The following KCNQ1 variants were observed in gnomAD, a reference collection of about 807,000 sequenced individuals.
The protein encoded by KCNQ1 is potassium voltage-gated channel subfamily Q member 1.
KCNQ1 carries 49 observed loss-of-function variants against 72.4 expected under a neutral mutation model. That is an observed-to-expected ratio of 0.68 (90% CI 0.54 to 0.86). The LOEUF is 0.86. KCNQ1 is among the 40% of genes least tolerant of loss of function. KCNQ1 has a pLI of 0.00. For missense variants in KCNQ1, 790 were observed against 945.1 expected, an observed-to-expected ratio of 0.84 and a Z score of 2.15; for synonymous variants, 450 against 412.6, an observed-to-expected ratio of 1.09 and a Z score of -1.10.
At chr11:2,717,771 G>A (rs1851118220) in intron 11 of KCNQ1, among the ~76,000 whole-genome samples, 1 of 152,216 alleles carries the variant, frequency 6.6e-6, no homozygotes, top group African/African-American at 2.4e-5. Flanking sequence ...ATAGAGAGCG[G>A]GTAGACAGGA....
intron 2 of KCNQ1, among the ~76,000 whole-genome samples, chr11:2,532,730 C>G (rs1381557452): frequency 6.6e-6 from 1 of 152,140 alleles, no homozygotes; most frequent in Non-Finnish European, 1.5e-5. Context: ...TTCCAGCGGA[C>G]AGCAGGCACA....
intron 10 of KCNQ1, chr11:2,641,571 T>C (rs1374432430): frequency 2.5e-6 from 1 of 398,542 alleles, no homozygotes; most frequent in East Asian, 3.6e-5. Context: ...AAATATTTTC[T>C]CCCATTCAAC....
intron 1 of KCNQ1, among the ~76,000 whole-genome samples, chr11:2,514,750 C>T (rs1361930579): frequency 2.0e-5 from 3 of 152,156 alleles, no homozygotes; most frequent in Non-Finnish European, 2.9e-5. Context: ...GGCATGAACC[C>T]GGGAGGCAGA....
chr11:2,632,946 G>T (rs1849385989), intron 10 of KCNQ1: 3 of 398,438 alleles, frequency 7.5e-6, no homozygotes, highest in Admixed American at 8.8e-5. Context: ...GTAGTGGATT[G>T]TCAAACTGTA....
rs1849224319 is a variant in KCNQ1 at position 2,624,166 on chromosome 11, CGTA to C, written c.1393+35313_1393+35315del. 2 of 398,450 alleles carry C rather than the reference CGTA, an allele frequency of 5.0e-6. No homozygotes were observed. The highest frequency in any genetic ancestry group is 8.8e-6 in the Non-Finnish European group (2 of 226,054). 24.7% of individuals were successfully genotyped at this position (398,450 alleles called of 1,614,324 possible). ...GTTTTAATTTCCATTTCCCTAATGA[CGTA>C]AGATGTGGGGCATCTTTTCATATAC... On this transcript the variant is annotated intron_variant, in intron 10 of 15. Transcript: ENST00000155840. The surrounding 1 kb of genome is among the most constrained non-coding windows in gnomAD (Gnocchi z 4.9).
chr11:2,471,566 ATG>A lies in KCNQ1; in HGVS notation c.386+26093_386+26094del, dbSNP rs79029054. Among the ~76,000 whole-genome samples the A allele has an allele frequency of 3.3e-5, 5 of 151,514 alleles. No individual in the cohort carries two copies. Among genetic ancestry groups the A allele is most frequent in the Admixed American group, 6.6e-5 (1 of 15,248 alleles). Reference sequence around the variant, plus strand: ...ATCACAGCCTCACAGGCACATGTGTATGTGTGTGTGTGCACGTGTGTATGGGT... The same window carrying A: ...ATCACAGCCTCACAGGCACATGTGTATGTGTGTGTGCACGTGTGTATGGGT... On this transcript the variant is annotated intron_variant, in intron 1 of 15. Coordinates refer to ENST00000155840, the MANE Select transcript of KCNQ1 (RefSeq NM_000218.3). This position sits in a 1 kb window ranked among gnomAD's most constrained non-coding sequence, Gnocchi z 4.8.
In KCNQ1 at chr11:2,715,688, C is replaced by G. The variant is rs1422650658; in HGVS notation, c.1515-53156C>G. On this transcript the variant is annotated intron_variant, in intron 11 of 15. Coordinates refer to ENST00000155840, the MANE Select transcript of KCNQ1 (RefSeq NM_000218.3). This position sits in a 1 kb window ranked among gnomAD's most constrained non-coding sequence, Gnocchi z 4.9. ...AAGGACCTCTTGGGGGAAGGGGAAC[C>G]AGCAAAGGGGGTATGGGGAGCCCTC... is the stretch of plus-strand genomic sequence containing the variant. 6.6e-6 allele frequency among the ~76,000 whole-genome samples: 1 copy of G among 152,298 alleles called. No homozygotes were observed. The highest frequency in any genetic ancestry group is 6.5e-5 in the Admixed American group (1 of 15,306).
chr11:2,587,575 A>G lies in KCNQ1; in HGVS notation c.1134A>G (p.Ala378=). 2 of 1,613,754 alleles carry G rather than the reference A, an allele frequency of 1.2e-6. No homozygotes were observed. Among genetic ancestry groups the G allele is most frequent in the Non-Finnish European group, 1.7e-6 (2 of 1,179,998 alleles). Residue 378 remains alanine (A), a synonymous_variant, in exon 9 of 16, where the codon GCA becomes GCG. Coordinates refer to ENST00000155840, the MANE Select transcript of KCNQ1 (RefSeq NM_000218.3). ...GTCCCCCTGCCCGACCTCAGACCGC[A>G]TGGAGGTGCTATGCTGCCGAGAACC... ...IPAAASLIQT[A]WRCYAAENPD... is the part of the protein sequence containing the mutation.
At position 2,711,431 on chromosome 11, in the gene KCNQ1, C is replaced by A. The variant is rs1037921845; in HGVS notation, c.1514+49350C>A. Among the ~76,000 whole-genome samples the A allele has an allele frequency of 1.3e-5, 2 of 152,206 alleles. No individual in the cohort carries two copies. The highest frequency in any genetic ancestry group is 4.8e-5 in the African/African-American group (2 of 41,436). Reference sequence around the variant, plus strand: ...CTGCCTGGAGTGTTCTCTCTCCTCCCTTTTCTGTGAGCCGTCATGAAACAC... The same window carrying A: ...CTGCCTGGAGTGTTCTCTCTCCTCCATTTTCTGTGAGCCGTCATGAAACAC... On this transcript the variant is annotated intron_variant, in intron 11 of 15. Transcript: ENST00000155840. The surrounding 1 kb of genome is among the most constrained non-coding windows in gnomAD (Gnocchi z 5.4).
intron 11 of KCNQ1, among the ~76,000 whole-genome samples, chr11:2,754,932 AG>A (rs1426057337): frequency 3.3e-5 from 5 of 152,200 alleles, no homozygotes; most frequent in Admixed American, 6.5e-5. Flanking sequence ...CGATTGCACT[AG>A]TTTTCTGGCA....
chr11:2,844,183 C>T lies in KCNQ1; in HGVS notation c.1795-3584C>T, dbSNP rs117740958. Among the ~76,000 whole-genome samples the T allele has an allele frequency of 3.7e-3, 571 of 152,320 alleles. 3 individuals are homozygous for T. The highest frequency in any genetic ancestry group is 4.9e-3 in the Non-Finnish European group (333 of 68,022). On this transcript the variant is annotated intron_variant, in intron 15 of 15. Coordinates refer to ENST00000155840, the MANE Select transcript of KCNQ1 (RefSeq NM_000218.3). ...GGTGGGGTGGGACTCTTCAGGGACACGTGCTGTGACAAGTGCTTGAGTCAG... is the reference window on the plus strand; with the variant it reads ...GGTGGGGTGGGACTCTTCAGGGACATGTGCTGTGACAAGTGCTTGAGTCAG...
chr11:2,616,896 T>C (rs560831950), intron 10 of KCNQ1: 2 of 398,222 alleles, frequency 5.0e-6, no homozygotes, highest in Non-Finnish European at 8.9e-6. Context: ...TCTAGTTGGT[T>C]TATGGTATTG....
At chr11:2,490,934 G>A (rs921039820) in intron 1 of KCNQ1, among the ~76,000 whole-genome samples, 7 of 152,110 alleles carry the variant, frequency 4.6e-5, no homozygotes, top group Non-Finnish European at 8.8e-5. Flanking sequence ...TTGAACTCCC[G>A]ACCTCAGGTG....
chr11:2,795,433 C>A (rs1173358395), intron 15 of KCNQ1, among the ~76,000 whole-genome samples: 3 of 152,238 alleles, frequency 2.0e-5, no homozygotes, highest in Non-Finnish European at 1.5e-5. Flanking sequence ...GAGCTGTGAG[C>A]CGAGGGGCTC....
At chr11:2,685,665 G>C in intron 11 of KCNQ1, 1 of 398,668 alleles carries the variant, frequency 2.5e-6, no homozygotes, top group Non-Finnish European at 4.4e-6. Flanking sequence ...GGTACCAGAA[G>C]TTCAGGGGTC....
In KCNQ1 at chr11:2,515,860, C is replaced by T. The variant is rs143464349; in HGVS notation, c.387-12068C>T. Among the ~76,000 whole-genome samples the T allele has an allele frequency of 5.8e-3, 877 of 152,142 alleles. 8 individuals carry two copies. The highest frequency in any genetic ancestry group is 0.02 in the African/African-American group (834 of 41,496). On this transcript the variant is annotated intron_variant, in intron 1 of 15. Transcript: ENST00000155840. This position sits in a 1 kb window ranked among gnomAD's most constrained non-coding sequence, Gnocchi z 4.7. ...GCTCTGCCGGGCCACCTGCACCCTCCGGGCCCCAGGAGAAGCTCATGCCTT... is the reference window on the plus strand; with the variant it reads ...GCTCTGCCGGGCCACCTGCACCCTCTGGGCCCCAGGAGAAGCTCATGCCTT...
At chr11:2,527,379 G>C (rs934477842) in intron 1 of KCNQ1, among the ~76,000 whole-genome samples, 1 of 152,218 alleles carries the variant, frequency 6.6e-6, no homozygotes, top group Admixed American at 6.5e-5. Flanking sequence ...TGGACAGGGG[G>C]CGTTGACTGC....
chr11:2,685,027 T>C lies in KCNQ1; in HGVS notation c.1514+22946T>C, dbSNP rs150673043. ...ATATCTTCTTGCCATCCCTGTCTCA[T>C]GGGTGAGCACATTTCCTGGATTTAA... is the stretch of plus-strand genomic sequence containing the variant. On this transcript the variant is annotated intron_variant, in intron 11 of 15. Coordinates refer to ENST00000155840, the MANE Select transcript of KCNQ1 (RefSeq NM_000218.3). 2.0e-3 allele frequency: 809 copies of C among 398,668 alleles called. 5 individuals are homozygous for C. Among genetic ancestry groups the C allele is most frequent in the African/African-American group, 0.015 (743 of 48,774 alleles). The allele number at this position is 398,668 out of a possible 1,614,324, so 24.7% of individuals were successfully genotyped here. A position where few individuals can be genotyped will look rare whatever the true frequency, so the allele number is the denominator to read the frequency against.
rs1169165551 is a variant in KCNQ1 at position 2,507,438 on chromosome 11, G to A, written c.387-20490G>A. On this transcript the variant is annotated intron_variant, in intron 1 of 15. Coordinates refer to ENST00000155840, the MANE Select transcript of KCNQ1 (RefSeq NM_000218.3). The surrounding 1 kb of genome is among the most constrained non-coding windows in gnomAD (Gnocchi z 5.4). ...TTTGCTCTAGAGGGTTTGAAGGAAGGGTGAGAAGTCAGGACCACTGCTGTA... is the reference window on the plus strand; with the variant it reads ...TTTGCTCTAGAGGGTTTGAAGGAAGAGTGAGAAGTCAGGACCACTGCTGTA... Among the ~76,000 whole-genome samples, 4 of 152,122 alleles carry A rather than the reference G, an allele frequency of 2.6e-5. No homozygotes were observed. The highest frequency in any genetic ancestry group is 9.7e-5 in the African/African-American group (4 of 41,418).
Sources: gnomAD v4.1 joint callset for allele counts (sites outside exome capture counted in the v4.1 genomes callset) on GRCh38, gnomAD v4.1.1 for gene constraint, Gnocchi (gnomAD v3.1) non-coding constraint, MANE v1.5 for transcripts, NCBI Gene and HGNC (gene_info 2026-07-23, HGNC 2026-07-21) for gene names.